The following MYRIP variants were observed in gnomAD, a reference collection of about 807,000 sequenced individuals.
The protein encoded by MYRIP is rab effector MyRIP.
MYRIP carries 49 observed loss-of-function variants against 98.0 expected under a neutral mutation model. The observed-to-expected ratio is 0.50, with a 90% CI of 0.40 to 0.63. The LOEUF (loss-of-function observed/expected upper bound fraction) is 0.63. Ranked by LOEUF, MYRIP falls within the 30% of genes least tolerant of loss-of-function variation. The pLI, the probability that MYRIP is intolerant of heterozygous loss-of-function variation, is 0.00. For synonymous variants in MYRIP, 404 were observed against 409.5 expected (o/e 0.99, Z 0.16); for missense variants, 1,004 against 1,058.2 (o/e 0.95, Z 0.71).
intron 4 of MYRIP, among the ~76,000 whole-genome samples, chr3:40,153,773 C>T (rs1442412438): frequency 6.6e-6 from 1 of 152,120 alleles, no homozygotes; most frequent in Non-Finnish European, 1.5e-5. Flanking sequence ...TGCTATGCTC[C>T]AGGACTCTCA....
chr3:39,816,459 T>A (rs370414490), intron 1 of MYRIP, among the ~76,000 whole-genome samples: 2 of 152,348 alleles, frequency 1.3e-5, no homozygotes, highest in African/African-American at 2.4e-5. Flanking sequence ...TTTCTTCTCT[T>A]ACTTGAGGAT....
chr3:40,031,955 AT>A lies in MYRIP; in HGVS notation c.111-12089del, dbSNP rs536197990. ...AAAAAACCAGCTCCTGGATTCATTA[AT>A]TTTTTGAAGGGTTTTTTGTGTCTCT... On this transcript the variant is annotated intron_variant, in intron 2 of 16. Coordinates refer to ENST00000302541, the MANE Select transcript of MYRIP (RefSeq NM_015460.4). 7.6e-3 allele frequency among the ~76,000 whole-genome samples: 1,160 copies of A among 152,064 alleles called. 9 individuals are homozygous for A. The highest frequency in any genetic ancestry group is 0.012 in the Non-Finnish European group (828 of 67,992).
chr3:40,075,780 T>TG (rs1368337718), intron 3 of MYRIP, among the ~76,000 whole-genome samples: 1 of 149,448 alleles, frequency 6.7e-6, no homozygotes, highest in African/African-American at 2.5e-5. Context: ...ACAGGGAGGG[T>TG]GGGGGAAAAG....
intron 2 of MYRIP, among the ~76,000 whole-genome samples, chr3:40,009,655 C>G (rs532770823): frequency 1.3e-5 from 2 of 152,236 alleles, no homozygotes; most frequent in South Asian, 4.1e-4. Context: ...AGGGCTGCCT[C>G]CTGGAATCAG....
intron 3 of MYRIP, among the ~76,000 whole-genome samples, chr3:40,081,360 T>A (rs896971343): frequency 2.6e-5 from 4 of 152,218 alleles, no homozygotes; most frequent in African/African-American, 9.6e-5. Flanking sequence ...CAATAATTTG[T>A]CTCTTTCCTT....
At chr3:39,873,605 C>T (rs1942878432) in intron 1 of MYRIP, among the ~76,000 whole-genome samples, 1 of 152,128 alleles carries the variant, frequency 6.6e-6, no homozygotes, top group Non-Finnish European at 1.5e-5. Flanking sequence ...AATCTTTTCC[C>T]CATTGCTTAT....
chr3:40,174,868 G>A (rs1950713816), intron 8 of MYRIP: 1 of 152,276 alleles, frequency 6.6e-6, no homozygotes, highest in African/African-American at 2.4e-5. Flanking sequence ...TGGAGGCCGG[G>A]TGTGGTGGCT....
At chr3:40,063,623 C>T (rs1948065774) in intron 3 of MYRIP, among the ~76,000 whole-genome samples, 1 of 152,094 alleles carries the variant, frequency 6.6e-6, no homozygotes, top group African/African-American at 2.4e-5. Context: ...ATATTCTTTT[C>T]CTCTTTTCTT....
At chr3:40,064,919 AATG>A (rs1253811321) in intron 3 of MYRIP, among the ~76,000 whole-genome samples, 1 of 152,160 alleles carries the variant, frequency 6.6e-6, no homozygotes, top group African/African-American at 2.4e-5. Flanking sequence ...CCTTTGGTTA[AATG>A]ATATTTCGAG....
At chr3:40,117,406 G>T (rs188508845) in intron 3 of MYRIP, among the ~76,000 whole-genome samples, 4 of 152,218 alleles carry the variant, frequency 2.6e-5, no homozygotes, top group African/African-American at 7.2e-5. Context: ...AAAAGCTCTT[G>T]CCCTCTGTAG....
intron 3 of MYRIP, among the ~76,000 whole-genome samples, chr3:40,080,602 C>T (rs530653226): frequency 3.9e-5 from 6 of 151,902 alleles, no homozygotes; most frequent in Non-Finnish European, 7.4e-5. Flanking sequence ...AATTTGCAAA[C>T]TTATTTATAA....
chr3:39,884,016 A>G (rs1194461433), intron 1 of MYRIP, among the ~76,000 whole-genome samples: 1 of 152,178 alleles, frequency 6.6e-6, no homozygotes, highest in Non-Finnish European at 1.5e-5. Flanking sequence ...CAGGACAAAA[A>G]TATAACACAA....
intron 11 of MYRIP, among the ~76,000 whole-genome samples, chr3:40,214,055 T>G (rs1367709562): frequency 6.6e-6 from 1 of 152,200 alleles, no homozygotes; most frequent in East Asian, 1.9e-4. Flanking sequence ...CCTCTGCCAC[T>G]GTTTCCTGGG....
In MYRIP at chr3:40,049,595, C is replaced by A. The variant is rs1006501012; in HGVS notation, c.332+5324C>A. Among the ~76,000 whole-genome samples, 3 of 151,592 alleles carry A rather than the reference C, an allele frequency of 2.0e-5. No homozygotes were observed. The South Asian group carries it at 6.2e-4, about 32-fold the overall frequency. On this transcript the variant is annotated intron_variant, in intron 3 of 16. Transcript: ENST00000302541. ...CCCTGAGACACAACAATATTAAATT[C>A]AGTCAACTAATGGCCCTATAATGGC...
At chr3:39,937,083 G>A (rs1225226613) in intron 2 of MYRIP, among the ~76,000 whole-genome samples, 3 of 152,124 alleles carry the variant, frequency 2.0e-5, no homozygotes, top group Non-Finnish European at 4.4e-5. Context: ...CATACACTTG[G>A]TCATCTTGCT....
chr3:39,892,021 T>C (rs1010535503), intron 1 of MYRIP, among the ~76,000 whole-genome samples: 2 of 152,148 alleles, frequency 1.3e-5, no homozygotes, highest in African/African-American at 4.8e-5. Flanking sequence ...TTTGTATTTA[T>C]GGATTTTCCG....
At chr3:40,187,345 G>T (rs9836873) in intron 9 of MYRIP, among the ~76,000 whole-genome samples, 1 of 152,132 alleles carries the variant, frequency 6.6e-6, no homozygotes, top group African/African-American at 2.4e-5. Context: ...AGTAGCTGGG[G>T]ATCAGCCCTG....
intron 1 of MYRIP, among the ~76,000 whole-genome samples, chr3:39,894,327 CA>C (rs1943554396): frequency 6.6e-6 from 1 of 152,208 alleles, no homozygotes. Context: ...GTAACCACTA[CA>C]CTGCTTCTAA....
intron 3 of MYRIP, among the ~76,000 whole-genome samples, chr3:40,111,974 A>G (rs1459686055): frequency 6.6e-6 from 1 of 152,160 alleles, no homozygotes; most frequent in Non-Finnish European, 1.5e-5. Flanking sequence ...GTGATCCCAA[A>G]GGTTCTTTCC....
Sources: gnomAD v4.1 joint callset for allele counts (sites outside exome capture counted in the v4.1 genomes callset) on GRCh38, gnomAD v4.1.1 for gene constraint, MANE v1.5 for transcripts, NCBI Gene and HGNC (gene_info 2026-07-23, HGNC 2026-07-21) for gene names.